CUX1: variants seen among roughly 807,000 people sequenced by gnomAD.
The protein encoded by CUX1 is protein CASP.
A neutral mutation model predicts 158.8 loss-of-function variants in CUX1; 31 were observed. That is an observed-to-expected ratio of 0.20 (90% CI 0.15 to 0.26). The LOEUF is 0.26. CUX1 is among the 10% of genes least tolerant of loss of function. The probability of loss-of-function intolerance (pLI) is 1.00; values close to 1 mark genes in which losing one functional copy is unlikely to be tolerated. For missense variants in CUX1, 1,589 were observed against 2,014.6 expected, an observed-to-expected ratio of 0.79 and a Z score of 4.04; for synonymous variants, 879 against 862.1, an observed-to-expected ratio of 1.02 and a Z score of -0.34.
intron 21 of CUX1, among the ~76,000 whole-genome samples, chr7:102,282,356 G>C (rs1259457965): frequency 3.3e-5 from 5 of 152,176 alleles, no homozygotes; most frequent in African/African-American, 9.7e-5. Flanking sequence ...CAAGTTGGGG[G>C]AGAAGAGGGG....
rs918156816 is a variant in CUX1, at chr7:101,817,897, C to T, written c.30+228C>T. On this transcript the variant is annotated intron_variant, in intron 1 of 23. Transcript: ENST00000292535. The surrounding 1 kb of genome is among the most constrained non-coding windows in gnomAD (Gnocchi z 4.1). ...CTTTCCTAACCTGGAGGACTGGTGA[C>T]AGTGACCTACCGCAATACCTTTGGG... is the stretch of plus-strand genomic sequence containing the variant. Among the ~76,000 whole-genome samples the T allele has an allele frequency of 1.3e-5, 2 of 152,214 alleles. No individual in the cohort carries two copies. Among genetic ancestry groups the T allele is most frequent in the African/African-American group, 4.8e-5 (2 of 41,454 alleles).
At chr7:102,032,418 C>T (rs1366303716) in intron 3 of CUX1, among the ~76,000 whole-genome samples, 1 of 152,010 alleles carries the variant, frequency 6.6e-6, no homozygotes, top group African/African-American at 2.4e-5. Flanking sequence ...ATAATCCCAG[C>T]ACTTTGGGAG....
At chr7:102,061,839 G>A (rs1824917445) in intron 3 of CUX1, among the ~76,000 whole-genome samples, 1 of 152,200 alleles carries the variant, frequency 6.6e-6, no homozygotes, top group South Asian at 2.1e-4. Context: ...GTGAGCCACT[G>A]TGCCCGGCAC....
intron 2 of CUX1, among the ~76,000 whole-genome samples, chr7:101,956,325 G>T (rs1809783047): frequency 6.6e-6 from 1 of 152,062 alleles, no homozygotes; most frequent in South Asian, 2.1e-4. Flanking sequence ...CCATTTCTGT[G>T]CCGAGATCGG....
rs1307607770 is a variant in CUX1 at position 102,252,587 on chromosome 7, G to C, written c.*3545G>C. 1 of 985,404 alleles carries C rather than the reference G, an allele frequency of 1.0e-6. No homozygotes were observed. The highest frequency in any genetic ancestry group is 1.2e-6 in the Non-Finnish European group (1 of 829,928). 61.0% of individuals were successfully genotyped at this position (985,404 alleles called of 1,614,324 possible). A position where few individuals can be genotyped will look rare whatever the true frequency, so the allele number is the denominator to read the frequency against. ...CTTAGCTGGCTAAGCAGAGGCTCGGGGTAAAATCAGTGTTTGCATTTAGCC... is the reference window on the plus strand; with the variant it reads ...CTTAGCTGGCTAAGCAGAGGCTCGGCGTAAAATCAGTGTTTGCATTTAGCC... On this transcript the variant is annotated 3_prime_UTR_variant, in exon 24 of 24. Transcript: ENST00000292535.
chr7:101,926,849 A>G (rs867175065), intron 2 of CUX1, among the ~76,000 whole-genome samples: 2 of 152,238 alleles, frequency 1.3e-5, no homozygotes, highest in Non-Finnish European at 1.5e-5. Flanking sequence ...TGCTCAACAA[A>G]CACCCTCCTC....
chr7:102,087,457 G>T (rs1381123476), intron 4 of CUX1, among the ~76,000 whole-genome samples: 1 of 152,126 alleles, frequency 6.6e-6, no homozygotes, highest in Non-Finnish European at 1.5e-5. Flanking sequence ...GCACATGCCT[G>T]TAATCCTAGC....
intron 11 of CUX1, among the ~76,000 whole-genome samples, chr7:102,179,777 C>A (rs1464492978): frequency 6.6e-6 from 1 of 152,246 alleles, no homozygotes; most frequent in African/African-American, 2.4e-5. Context: ...GAAGGCAGGA[C>A]CTTCAGGGCA....
At chr7:101,918,157 C>T (rs1470159980) in intron 2 of CUX1, among the ~76,000 whole-genome samples, 1 of 152,168 alleles carries the variant, frequency 6.6e-6, no homozygotes, top group Admixed American at 6.5e-5. Flanking sequence ...CCTCAGAAGT[C>T]CCCAACTCCT....
intron 8 of CUX1, among the ~76,000 whole-genome samples, chr7:102,136,755 C>T (rs1400354031): frequency 2.0e-5 from 3 of 152,176 alleles, no homozygotes; most frequent in Non-Finnish European, 4.4e-5. Context: ...AATGCAGCTG[C>T]ACATAAATGT....
At chr7:101,975,327 G>A (rs1482520706) in intron 2 of CUX1, among the ~76,000 whole-genome samples, 2 of 152,108 alleles carry the variant, frequency 1.3e-5, no homozygotes, top group Non-Finnish European at 1.5e-5. Flanking sequence ...GGGAGGCTAA[G>A]GCAGGAGGAG....
intron 1 of CUX1, among the ~76,000 whole-genome samples, chr7:101,833,627 C>T (rs935101178): frequency 2.1e-5 from 3 of 144,834 alleles, no homozygotes; most frequent in Admixed American, 6.9e-5. Context: ...GAAAGTGCGA[C>T]AGTCACCTCG....
intron 10 of CUX1, among the ~76,000 whole-genome samples, chr7:102,175,065 T>C (rs1792160561): frequency 6.6e-6 from 1 of 152,398 alleles, no homozygotes; most frequent in African/African-American, 2.4e-5. Flanking sequence ...GAGACAGCGA[T>C]GATTTTTGCT....
chr7:101,952,337 C>T (rs1264381556), intron 2 of CUX1, among the ~76,000 whole-genome samples: 2 of 152,250 alleles, frequency 1.3e-5, no homozygotes, highest in African/African-American at 4.8e-5. Flanking sequence ...GCCGTGATTG[C>T]GCCACTGCAC....
intron 20 of CUX1, among the ~76,000 whole-genome samples, chr7:102,222,016 T>C (rs1323127076): frequency 1.3e-5 from 2 of 152,064 alleles, no homozygotes; most frequent in African/African-American, 2.4e-5. Context: ...CCCAGCACTT[T>C]GGGAGGCAGA....
chr7:102,250,069 AAAAAAG>A lies in CUX1; in HGVS notation c.*1032_*1037del. 8 of 985,252 alleles carry A rather than the reference AAAAAAG, an allele frequency of 8.1e-6. No homozygotes were observed. The highest frequency in any genetic ancestry group is 9.6e-6 in the Non-Finnish European group (8 of 829,540). 61.0% of individuals were successfully genotyped at this position (985,252 alleles called of 1,614,324 possible). On this transcript the variant is annotated 3_prime_UTR_variant, in exon 24 of 24. Coordinates refer to ENST00000292535, the MANE Select transcript of CUX1 (RefSeq NM_181552.4). ...AAAAAAAAGAAAAAAAAAGAAAAAA[AAAAAAG>A]AAAAGATCCGAATCTAGGTATTTTA...
chr7:101,817,578 G>GC, upstream of CUX1: 1 of 1,513,520 alleles, frequency 6.6e-7, no homozygotes, highest in South Asian at 1.2e-5. This position sits in a 1 kb window ranked among gnomAD's most constrained non-coding sequence, Gnocchi z 4.1. Context: ...CTTAGGGTCC[G>GC]CCCCGCACGT....
Position 102,227,672 on chromosome 7 carries a change from A to G in CUX1, c.3433+3A>G, listed in dbSNP as rs1798484814. ...GGTGCTGACGGACAACAACCTCGGTAGGTTCTCCTCTCGGCTGCTGAGTCA... is the reference window on the plus strand; with the variant it reads ...GGTGCTGACGGACAACAACCTCGGTGGGTTCTCCTCTCGGCTGCTGAGTCA... On this transcript the variant is annotated splice_donor_region_variant and intron_variant, in intron 21 of 23. Transcript: ENST00000292535. 2.5e-6 allele frequency: 4 copies of G among 1,606,724 alleles called. No homozygotes were observed. Among genetic ancestry groups the G allele is most frequent in the African/African-American group, 2.7e-5 (2 of 74,800 alleles).
intron 1 of CUX1, among the ~76,000 whole-genome samples, chr7:101,855,322 T>C (rs1266866102): frequency 6.6e-6 from 1 of 152,170 alleles, no homozygotes; most frequent in African/African-American, 2.4e-5. Flanking sequence ...ATTGGCCCGG[T>C]GGCCTTGCCT....
Sources: allele counts gnomAD v4.1 joint callset (sites outside exome capture counted in the v4.1 genomes callset), GRCh38; gene constraint gnomAD v4.1.1; non-coding constraint Gnocchi (gnomAD v3.1); transcripts MANE v1.5; gene names NCBI Gene and HGNC (gene_info 2026-07-23, HGNC 2026-07-21).